The following RRP15 variants were observed in gnomAD, a reference collection of about 807,000 sequenced individuals.
RRP15 encodes ribosomal RNA processing 15 homolog.
RRP15 carries 18 observed loss-of-function variants against 27.1 expected under a neutral mutation model. The observed-to-expected ratio is 0.66, with a 90% CI of 0.46 to 0.98. The LOEUF (loss-of-function observed/expected upper bound fraction) is 0.98. Among genes scored for constraint, RRP15 ranks in the 50% least tolerant of loss-of-function variants. RRP15 has a pLI of 0.00. For synonymous variants in RRP15, 107 were observed against 109.4 expected (o/e 0.98, Z 0.14); for missense variants, 359 against 337.8 (o/e 1.06, Z -0.49).
At chr1:218,314,255 C>A (rs951689420) in intron 4 of RRP15, among the ~76,000 whole-genome samples, 2 of 152,088 alleles carry the variant, frequency 1.3e-5, no homozygotes, top group African/African-American at 4.8e-5. Flanking sequence ...AAAAATTAAG[C>A]TTTAACTCTT....
intron 1 of RRP15, among the ~76,000 whole-genome samples, chr1:218,291,308 G>A (rs1655636352): frequency 6.6e-6 from 1 of 151,514 alleles, no homozygotes; most frequent in African/African-American, 2.4e-5. Context: ...AGCCCAACAT[G>A]GTGGTGTATG....
chr1:218,288,815 T>G (rs1329820341), intron 1 of RRP15, among the ~76,000 whole-genome samples: 1 of 152,222 alleles, frequency 6.6e-6, no homozygotes, highest in Non-Finnish European at 1.5e-5. Flanking sequence ...GGGACATTTT[T>G]GTGTTCAGAT....
At chr1:218,325,884 T>G (rs757091157) in intron 4 of RRP15, among the ~76,000 whole-genome samples, 5 of 152,218 alleles carry the variant, frequency 3.3e-5, no homozygotes, top group Admixed American at 6.5e-5. Flanking sequence ...TCTTTTCTTT[T>G]AGTCTATTTT....
chr1:218,336,019 T>C lies in RRP15; in HGVS notation c.*4928T>C, dbSNP rs372410288. ...ATATTTTTGTTGTTCTCTAAAAGAA[T>C]GGGTTTATGATGCACCAAAAGGACA... On this transcript the variant is annotated 3_prime_UTR_variant, in exon 5 of 5. Transcript: ENST00000366932. The C allele has an allele frequency of 2.0e-5, 3 of 152,180 alleles. No homozygotes were observed. The highest frequency in any genetic ancestry group is 2.4e-5 in the African/African-American group (1 of 41,442). The allele number at this position is 152,180 out of a possible 1,614,324, so 9.4% of individuals were successfully genotyped here.
rs1418434819 is a variant in RRP15 at position 218,332,144 on chromosome 1, C to G, written c.*1053C>G. ...TTTCTCAGGAAGCAAGTTTGACATG[C>G]TTTAGTCTCTCTCTTCTTTTTTTTC... On this transcript the variant is annotated 3_prime_UTR_variant, in exon 5 of 5. Transcript: ENST00000366932. 1 of 152,122 alleles carries G rather than the reference C, an allele frequency of 6.6e-6. No individual in the cohort carries two copies. The highest frequency in any genetic ancestry group is 1.5e-5 in the Non-Finnish European group (1 of 68,022). The allele number at this position is 152,122 out of a possible 1,614,324, so 9.4% of individuals were successfully genotyped here.
At chr1:218,316,287 A>T (rs549141570) in intron 4 of RRP15, among the ~76,000 whole-genome samples, 1 of 152,278 alleles carries the variant, frequency 6.6e-6, no homozygotes, top group Admixed American at 6.5e-5. Context: ...CCCCTATATG[A>T]ATAAATGTGC....
At chr1:218,318,247 A>G (rs1014447030) in intron 4 of RRP15, among the ~76,000 whole-genome samples, 12 of 152,164 alleles carry the variant, frequency 7.9e-5, no homozygotes, top group African/African-American at 2.9e-4. Flanking sequence ...TTAAAAAAAA[A>G]TCAGTTTTAT....
intron 1 of RRP15, among the ~76,000 whole-genome samples, chr1:218,299,985 C>A (rs1025182900): frequency 6.6e-6 from 1 of 151,756 alleles, no homozygotes; most frequent in African/African-American, 2.4e-5. Flanking sequence ...AATTTAGATA[C>A]CTTTTTTTTT....
intron 4 of RRP15, among the ~76,000 whole-genome samples, chr1:218,308,252 A>T (rs1454353510): frequency 6.6e-6 from 1 of 151,106 alleles, no homozygotes; most frequent in Admixed American, 6.6e-5. Context: ...TTGTATTTTT[A>T]GTAGAGACGG....
chr1:218,310,506 T>A (rs1255228611), intron 4 of RRP15, among the ~76,000 whole-genome samples: 1 of 152,186 alleles, frequency 6.6e-6, no homozygotes, highest in Non-Finnish European at 1.5e-5. Context: ...TGGATAGAAT[T>A]GTAATAATAT....
At chr1:218,327,273 A>G (rs1352040521) in intron 4 of RRP15, among the ~76,000 whole-genome samples, 1 of 152,184 alleles carries the variant, frequency 6.6e-6, no homozygotes. Context: ...TGTAGGGATT[A>G]GAATTTAAAG....
At chr1:218,298,345 C>T (rs1655755085) in intron 1 of RRP15, among the ~76,000 whole-genome samples, 1 of 152,180 alleles carries the variant, frequency 6.6e-6, no homozygotes, top group Non-Finnish European at 1.5e-5. Context: ...TCTTTAAGAA[C>T]ACCTACAAAT....
chr1:218,305,209 A>T (rs1485848160), intron 3 of RRP15, 84 bp downstream of exon 3: 45 of 1,039,924 alleles, frequency 4.3e-5, no homozygotes, highest in Non-Finnish European at 6.1e-5. Flanking sequence ...TTGATTCTTA[A>T]GCTCAGCCTT....
intron 4 of RRP15, among the ~76,000 whole-genome samples, chr1:218,320,754 C>CA (rs1052432037): frequency 6.0e-4 from 88 of 145,588 alleles, no homozygotes; most frequent in Admixed American, 9.6e-4. Context: ...TAAAACAAAA[C>CA]AAAAAAAAAA....
chr1:218,305,097 G>A lies in RRP15; in HGVS notation c.475G>A (p.Glu159Lys), dbSNP rs1201396192. ...AGATGTTGTCCAAGACAAAGAGACA[G>A]AGAGAAATCTTCAGAGAATTGCAAC... ...KPDVVQDKETERNLQRIATRG... is the reference protein window; with the variant it reads ...KPDVVQDKETKRNLQRIATRG... Residue 159 changes from glutamate to lysine, a missense_variant, in exon 3 of 5, where the codon GAG becomes AAG. By Grantham distance (56) the Glu-to-Lys change is moderately conservative (BLOSUM62 1). Transcript: ENST00000366932. 2 of 1,613,700 alleles carry A rather than the reference G, an allele frequency of 1.2e-6. No individual in the cohort carries two copies. Among genetic ancestry groups the A allele is most frequent in the Non-Finnish European group, 1.7e-6 (2 of 1,179,740 alleles).
rs1656393499 is a variant in RRP15, at chr1:218,332,778, T to C, written c.*1687T>C. ...CAGTATAAATAAATGTGAACAAATA[T>C]ACCTCAGTAGTAATACAGGAGAACT... On this transcript the variant is annotated 3_prime_UTR_variant, in exon 5 of 5. Transcript: ENST00000366932. The C allele has an allele frequency of 6.6e-6, 1 of 151,182 alleles. No individual in the cohort carries two copies. The allele number at this position is 151,182 out of a possible 1,614,324, so 9.4% of individuals were successfully genotyped here.
intron 1 of RRP15, among the ~76,000 whole-genome samples, chr1:218,294,489 T>C (rs1164515893): frequency 6.6e-6 from 1 of 152,054 alleles, no homozygotes; most frequent in Non-Finnish European, 1.5e-5. Context: ...GACACTTAAG[T>C]TTATGGGTTT....
At chr1:218,285,497 C>T in intron 1 of RRP15, 42 bp downstream of exon 1, 1 of 1,610,710 alleles carries the variant, frequency 6.2e-7, no homozygotes. Context: ...GGAGGAAAGG[C>T]GGGGCTGAGT....
chr1:218,304,821 C>G (rs373912920), intron 2 of RRP15, among the ~76,000 whole-genome samples: 1 of 152,260 alleles, frequency 6.6e-6, no homozygotes, highest in East Asian at 1.9e-4. Flanking sequence ...CTGACAGAAA[C>G]TCACTTTGTG....
Sources: allele counts gnomAD v4.1 joint callset (sites outside exome capture counted in the v4.1 genomes callset), GRCh38; gene constraint gnomAD v4.1.1; transcripts MANE v1.5; gene names NCBI Gene and HGNC (gene_info 2026-07-23, HGNC 2026-07-21).